Variants in GRID2 observed in about 807,000 individuals in gnomAD.
GRID2 encodes glutamate receptor ionotropic, delta-2.
A neutral mutation model predicts 114.8 loss-of-function variants in GRID2; 33 were observed. That is an observed-to-expected ratio of 0.29 (90% confidence interval 0.22 to 0.38). The LOEUF is 0.38. Ranked by LOEUF, GRID2 falls within the 10% of genes least tolerant of loss-of-function variation. The probability of loss-of-function intolerance (pLI) is 1.00; values close to 1 mark genes in which losing one functional copy is unlikely to be tolerated. For missense variants in GRID2, 1,184 were observed against 1,257.7 expected, an observed-to-expected ratio of 0.94 and a Z score of 0.89; for synonymous variants, 505 against 449.9, an observed-to-expected ratio of 1.12 and a Z score of -1.55.
intron 14 of GRID2, among the ~76,000 whole-genome samples, chr4:93,747,839 C>A (rs1439556): frequency 0.37 from 55,998 of 151,582 alleles, 11,274 homozygotes; most frequent in East Asian, 0.72. Flanking sequence ...TTATTAAATA[C>A]TACCTGTTAT....
intron 2 of GRID2, among the ~76,000 whole-genome samples, chr4:92,871,177 T>A (rs1249031653): frequency 1.3e-5 from 2 of 152,184 alleles, no homozygotes; most frequent in African/African-American, 2.4e-5. Flanking sequence ...TGGTTTAACA[T>A]TCTGACTTGG....
At chr4:92,649,954 G>A (rs1731843608) in intron 2 of GRID2, among the ~76,000 whole-genome samples, 1 of 151,872 alleles carries the variant, frequency 6.6e-6, no homozygotes, top group African/African-American at 2.4e-5. Flanking sequence ...CTTACAAAGG[G>A]TTTATCAGAC....
chr4:93,421,846 C>CA (rs11292676), intron 9 of GRID2, among the ~76,000 whole-genome samples: 10,746 of 113,066 alleles, frequency 0.095, 370 homozygotes, highest in East Asian at 0.12. Context: ...AAAAATCATT[C>CA]AAAAAAAAAA....
At position 92,365,696 on chromosome 4, in the gene GRID2, T is replaced by C. The variant is rs117215332; in HGVS notation, c.88+60952T>C. 9.5e-4 allele frequency among the ~76,000 whole-genome samples: 145 copies of C among 152,222 alleles called. No homozygotes were observed. The East Asian group carries it at 0.027, about 28-fold the overall frequency. On this transcript the variant is annotated intron_variant, in intron 1 of 15. Coordinates refer to ENST00000282020, the MANE Select transcript of GRID2 (RefSeq NM_001510.4). The stretch of plus-strand genomic sequence containing the variant: ...GAGTGATGCATGTTAATTTGCTTGA[T>C]TTAATCATTCCACATTGTATACATA...
At chr4:93,808,501 A>G (rs1311659210) in exon 2 of GRID2, 1 of 152,172 alleles carries the variant, frequency 6.6e-6, no homozygotes, top group Non-Finnish European at 1.5e-5. Context: ...TGAAGGATGT[A>G]CTCTTACCCA....
At chr4:93,036,080 C>T (rs1036546341) in intron 2 of GRID2, among the ~76,000 whole-genome samples, 2 of 152,024 alleles carry the variant, frequency 1.3e-5, no homozygotes, top group Non-Finnish European at 2.9e-5. Context: ...AGACGTCTCA[C>T]CTCTGGTTAC....
chr4:92,399,543 CTT>C (rs1730676443), intron 1 of GRID2, among the ~76,000 whole-genome samples: 1 of 151,904 alleles, frequency 6.6e-6, no homozygotes, highest in African/African-American at 2.4e-5. Flanking sequence ...TTTGTGATCT[CTT>C]AATTTAGTTT....
chr4:93,087,199 T>C (rs1730406090), intron 3 of GRID2, among the ~76,000 whole-genome samples: 1 of 149,978 alleles, frequency 6.7e-6, no homozygotes, highest in Non-Finnish European at 1.5e-5. Context: ...CACGCCTAGC[T>C]ATTGTTTTTT....
chr4:93,570,040 A>T (rs1009837707), intron 13 of GRID2, among the ~76,000 whole-genome samples: 1 of 152,178 alleles, frequency 6.6e-6, no homozygotes, highest in African/African-American at 2.4e-5. Flanking sequence ...GAGACCAGGG[A>T]CCTTGTGAAA....
At chr4:92,346,362 T>C (rs1237419260) in intron 1 of GRID2, among the ~76,000 whole-genome samples, 1 of 152,182 alleles carries the variant, frequency 6.6e-6, no homozygotes, top group African/African-American at 2.4e-5. Context: ...TTTTCTGAAC[T>C]TTTTTTGTTT....
intron 1 of GRID2, among the ~76,000 whole-genome samples, chr4:92,355,394 G>C (rs1366429039): frequency 1.3e-5 from 2 of 151,732 alleles, no homozygotes; most frequent in Non-Finnish European, 2.9e-5. Flanking sequence ...TTGTGTGCTT[G>C]AGCAATTATT....
In GRID2 at chr4:93,260,343, T is replaced by C. The variant is rs986850042; in HGVS notation, c.1245+21853T>C. Among the ~76,000 whole-genome samples the C allele has an allele frequency of 4.0e-5, 6 of 151,302 alleles. No individual in the cohort carries two copies. In the Admixed American group the frequency reaches 4.0e-4, roughly 10 times the overall value. On this transcript the variant is annotated intron_variant, in intron 8 of 15. Transcript: ENST00000282020. Reference sequence around the variant, plus strand: ...GTCAAATTTTAATAATCAAAATACATCTATTAGGCACATTGCGTACATTTT... The same window carrying C: ...GTCAAATTTTAATAATCAAAATACACCTATTAGGCACATTGCGTACATTTT...
intron 1 of GRID2, among the ~76,000 whole-genome samples, chr4:92,341,305 A>G (rs576678924): frequency 6.6e-5 from 10 of 152,246 alleles, no homozygotes; most frequent in Admixed American, 3.3e-4. Context: ...TAAGCCCTGT[A>G]TGGTCCAATG....
chr4:92,382,979 T>C (rs1729695125), intron 1 of GRID2, among the ~76,000 whole-genome samples: 1 of 151,966 alleles, frequency 6.6e-6, no homozygotes, highest in Non-Finnish European at 1.5e-5. Context: ...TCTGCTTGGC[T>C]CCTGGGAAGG....
chr4:93,126,840 G>A (rs547199746), intron 4 of GRID2, among the ~76,000 whole-genome samples: 7 of 151,638 alleles, frequency 4.6e-5, no homozygotes, highest in Non-Finnish European at 8.8e-5. Flanking sequence ...CTCGTGATCC[G>A]CCCGCCTCGG....
chr4:92,941,493 AT>A (rs1175031797), intron 2 of GRID2, among the ~76,000 whole-genome samples: 2 of 151,790 alleles, frequency 1.3e-5, no homozygotes, highest in Non-Finnish European at 2.9e-5. Context: ...TGTTCTATCA[AT>A]TTTGTTGATC....
At chr4:93,260,209 T>C (rs1272059544) in intron 8 of GRID2, among the ~76,000 whole-genome samples, 1 of 151,682 alleles carries the variant, frequency 6.6e-6, no homozygotes, top group Non-Finnish European at 1.5e-5. Context: ...ATGGAGTTTA[T>C]CACAAAAGCA....
intron 2 of GRID2, among the ~76,000 whole-genome samples, chr4:92,611,839 G>A (rs376186707): frequency 3.0e-4 from 45 of 151,208 alleles, no homozygotes; most frequent in African/African-American, 9.2e-4. Context: ...ATTTATTTGA[G>A]GTTTTTTGAC....
intron 8 of GRID2, among the ~76,000 whole-genome samples, chr4:93,382,978 A>T (rs1432387286): frequency 1.3e-5 from 2 of 151,740 alleles, no homozygotes. Context: ...GATGTACGTA[A>T]ATTTAAGGTC....
Sources: allele counts gnomAD v4.1 joint callset (sites outside exome capture counted in the v4.1 genomes callset), GRCh38; gene constraint gnomAD v4.1.1; transcripts MANE v1.5; gene names NCBI Gene and HGNC (gene_info 2026-07-23, HGNC 2026-07-21).